Variants in GPR39 observed in about 807,000 individuals in gnomAD.
GPR39 encodes G protein-coupled receptor 39, also known as zinc sensing receptor.
In GPR39, 23 loss-of-function variants were observed where a neutral mutation model predicts 18.4. That is an observed-to-expected ratio of 1.25 (90% CI 0.90 to 1.77). GPR39 has a LOEUF of 1.77. GPR39 is among the 40% of genes most tolerant of loss of function. The pLI is 0.00. For missense variants in GPR39, 647 were observed against 602.4 expected (o/e 1.07, Z -0.78); for synonymous variants, 280 against 257.9 (o/e 1.09, Z -0.82).
intron 1 of GPR39, among the ~76,000 whole-genome samples, chr2:132,533,355 CA>C (rs1679678196): frequency 6.6e-6 from 1 of 150,828 alleles, no homozygotes; most frequent in African/African-American, 2.4e-5. Flanking sequence ...AGGATACAAA[CA>C]AATGGAAGAA....
At chr2:132,553,438 A>G (rs1680092332) in intron 1 of GPR39, among the ~76,000 whole-genome samples, 2 of 151,608 alleles carry the variant, frequency 1.3e-5, no homozygotes, top group African/African-American at 4.8e-5. Context: ...ATACATATAT[A>G]TATATACCAT....
At chr2:132,533,151 A>G (rs1403818652) in intron 1 of GPR39, among the ~76,000 whole-genome samples, 1 of 152,208 alleles carries the variant, frequency 6.6e-6, no homozygotes, top group African/African-American at 2.4e-5. Flanking sequence ...GCGAAGTCCC[A>G]GGACGCAAAA....
intron 1 of GPR39, among the ~76,000 whole-genome samples, chr2:132,492,891 TATATACCATATATATACACC>T (rs1178118103): frequency 1.1e-4 from 16 of 140,564 alleles, no homozygotes; most frequent in South Asian, 6.8e-4. Context: ...ATACACCATA[TATATACCATATATATACACC>T]ATATACCATA....
intron 1 of GPR39, among the ~76,000 whole-genome samples, chr2:132,632,736 G>A (rs2104871193): frequency 6.6e-6 from 1 of 152,280 alleles, no homozygotes; most frequent in Non-Finnish European, 1.5e-5. Flanking sequence ...AAATAAGCAA[G>A]TGCAAGTTAA....
chr2:132,639,044 G>A (rs570572921), intron 1 of GPR39, among the ~76,000 whole-genome samples: 21 of 151,666 alleles, frequency 1.4e-4, no homozygotes, highest in Middle Eastern at 3.4e-3. Flanking sequence ...CTGTGTGAAT[G>A]TTCTTGCCTG....
intron 1 of GPR39, among the ~76,000 whole-genome samples, chr2:132,569,038 A>AT (rs1680397995): frequency 6.6e-6 from 1 of 152,092 alleles, no homozygotes; most frequent in Non-Finnish European, 1.5e-5. Flanking sequence ...TGGTTTTATC[A>AT]TCTTTACAAT....
At position 132,424,989 on chromosome 2, in the gene GPR39, G is replaced by T. The variant is rs1367075082; in HGVS notation, c.856+7091G>T. Among the ~76,000 whole-genome samples the T allele has an allele frequency of 2.0e-5, 3 of 152,166 alleles. 1 individual carries two copies. Among genetic ancestry groups the T allele is most frequent in the Non-Finnish European group, 4.4e-5 (3 of 68,032 alleles). On this transcript the variant is annotated intron_variant, in intron 1 of 1. Coordinates refer to ENST00000329321, the MANE Select transcript of GPR39 (RefSeq NM_001508.3). Reference sequence around the variant, plus strand: ...CGGAGGCCCAAACCGCCCCCATGTTGCTCAGGCCCTGATTAGGAGGTGGCC... The same window carrying T: ...CGGAGGCCCAAACCGCCCCCATGTTTCTCAGGCCCTGATTAGGAGGTGGCC...
intron 1 of GPR39, among the ~76,000 whole-genome samples, chr2:132,474,921 G>C (rs537227399): frequency 2.6e-5 from 4 of 152,280 alleles, no homozygotes; most frequent in Admixed American, 6.5e-5. Flanking sequence ...TGCCCTTTGA[G>C]TCCTCTCAGA....
At chr2:132,503,846 T>C (rs1277615258) in intron 1 of GPR39, among the ~76,000 whole-genome samples, 1 of 152,172 alleles carries the variant, frequency 6.6e-6, no homozygotes, top group African/African-American at 2.4e-5. Flanking sequence ...TGGCTGCCTC[T>C]GCTGAGTCAT....
chr2:132,617,836 T>C (rs1044822791), intron 1 of GPR39, among the ~76,000 whole-genome samples: 1 of 152,216 alleles, frequency 6.6e-6, no homozygotes, highest in African/African-American at 2.4e-5. Flanking sequence ...CCTTAAAATA[T>C]CTGAGCCTCA....
intron 1 of GPR39, among the ~76,000 whole-genome samples, chr2:132,643,438 A>G (rs949205604): frequency 1.8e-4 from 27 of 152,224 alleles, no homozygotes; most frequent in African/African-American, 6.3e-4. Context: ...CTCCAACAGC[A>G]GGCAAGGAAT....
chr2:132,637,525 G>A (rs1038220982), intron 1 of GPR39, among the ~76,000 whole-genome samples: 1 of 152,230 alleles, frequency 6.6e-6, no homozygotes, highest in African/African-American at 2.4e-5. Context: ...TGAAGTTGTG[G>A]CCTGCGCCTT....
At chr2:132,481,772 T>C (rs1490252870) in intron 1 of GPR39, among the ~76,000 whole-genome samples, 1 of 152,196 alleles carries the variant, frequency 6.6e-6, no homozygotes, top group Non-Finnish European at 1.5e-5. Flanking sequence ...GAAAATCAGA[T>C]GATCTTGGAG....
chr2:132,625,174 A>G (rs1681519797), intron 1 of GPR39, among the ~76,000 whole-genome samples: 1 of 148,770 alleles, frequency 6.7e-6, no homozygotes, highest in African/African-American at 2.5e-5. Flanking sequence ...TAATTTGGCC[A>G]TTCTGTTGAG....
intron 1 of GPR39, among the ~76,000 whole-genome samples, chr2:132,633,739 T>C (rs959236826): frequency 4.0e-5 from 6 of 151,882 alleles, no homozygotes; most frequent in South Asian, 2.1e-4. Flanking sequence ...GTGGTGGAGA[T>C]AGAGGTGAAT....
chr2:132,635,277 A>C (rs1440085175), intron 1 of GPR39, among the ~76,000 whole-genome samples: 2 of 152,204 alleles, frequency 1.3e-5, no homozygotes, highest in African/African-American at 4.8e-5. Flanking sequence ...AGCAGCTACT[A>C]TATAAACGTT....
chr2:132,539,726 C>T (rs925365595), intron 1 of GPR39, among the ~76,000 whole-genome samples: 1 of 152,152 alleles, frequency 6.6e-6, no homozygotes, highest in Non-Finnish European at 1.5e-5. Context: ...AGAGCATCTA[C>T]TTCTGTCATA....
chr2:132,614,620 G>A (rs534801179), intron 1 of GPR39, among the ~76,000 whole-genome samples: 30 of 151,096 alleles, frequency 2.0e-4, no homozygotes, highest in Admixed American at 5.9e-4. Context: ...GTGCTGTCTC[G>A]GCTCACTGCA....
chr2:132,531,878 A>C (rs953015182), intron 1 of GPR39, among the ~76,000 whole-genome samples: 16 of 152,268 alleles, frequency 1.1e-4, no homozygotes, highest in African/African-American at 3.9e-4. Flanking sequence ...ATAGCACTAA[A>C]TGCCCACAAG....
Sources: allele counts gnomAD v4.1 joint callset (sites outside exome capture counted in the v4.1 genomes callset), GRCh38; gene constraint gnomAD v4.1.1; transcripts MANE v1.5; gene names NCBI Gene and HGNC (gene_info 2026-07-23, HGNC 2026-07-21).